KCNU1: variants seen among roughly 807,000 people sequenced by gnomAD.
KCNU1 encodes the protein potassium channel subfamily U member 1.
KCNU1 carries 93 observed loss-of-function variants against 126.8 expected under a neutral mutation model. That is an observed-to-expected ratio of 0.73 (90% CI 0.62 to 0.87). The LOEUF is 0.87. Among genes scored for constraint, KCNU1 ranks in the 40% least tolerant of loss-of-function variants. The pLI is 0.00. For synonymous variants in KCNU1, 523 were observed against 494.2 expected (o/e 1.06, Z -0.77); for missense variants, 1,330 against 1,367.1 (o/e 0.97, Z 0.43).
intron 19 of KCNU1, among the ~76,000 whole-genome samples, chr8:36,905,475 A>AG (rs1807586910): frequency 6.6e-6 from 1 of 151,296 alleles, no homozygotes; most frequent in South Asian, 2.1e-4. Context: ...AAAAAAAAAA[A>AG]TCCTGATGTG....
chr8:36,932,855 G>A (rs1271284640), intron 25 of KCNU1, 65 bp from the exon 26 acceptor site: 2 of 904,440 alleles, frequency 2.2e-6, no homozygotes, highest in Non-Finnish European at 3.6e-6. Context: ...CGACACTCCA[G>A]TGAGTGCTTA....
chr8:36,837,096 A>C (rs1480801642), intron 14 of KCNU1, among the ~76,000 whole-genome samples, 151 bp downstream of exon 14: 1 of 152,136 alleles, frequency 6.6e-6, no homozygotes, highest in African/African-American at 2.4e-5. Context: ...AGAAGATCTG[A>C]ATTTAAAAGT....
chr8:36,878,256 G>T, intron 19 of KCNU1, among the ~76,000 whole-genome samples: 1 of 152,144 alleles, frequency 6.6e-6, no homozygotes, highest in East Asian at 1.9e-4. Flanking sequence ...AGGAATTTCA[G>T]ATCAGAAAAA....
In KCNU1 at chr8:36,815,587, C is replaced by T. The variant is rs765303242; in HGVS notation, c.904-9C>T. Reference sequence around the variant, plus strand: ...AGAACTAAGGTTTTATTTTGCTGATCAATTTTAGATATTATTTGCGAACTA... The same window carrying T: ...AGAACTAAGGTTTTATTTTGCTGATTAATTTTAGATATTATTTGCGAACTA... On this transcript the variant is annotated splice_polypyrimidine_tract_variant and intron_variant, in intron 8 of 26. Transcript: ENST00000399881. 2.1e-6 allele frequency: 3 copies of T among 1,445,256 alleles called. No individual in the cohort carries two copies. The South Asian group carries it at 3.7e-5, about 18-fold the overall frequency. 89.5% of individuals were successfully genotyped at this position (1,445,256 alleles called of 1,614,324 possible).
At position 36,874,257 on chromosome 8, in the gene KCNU1, A is replaced by G. The variant is rs1806203175; in HGVS notation, c.2009+9736A>G. Among the ~76,000 whole-genome samples the G allele has an allele frequency of 2.0e-5, 3 of 152,178 alleles. No individual in the cohort carries two copies. The South Asian group carries it at 6.2e-4, about 31-fold the overall frequency. ...ACCATTCTTTTTTATTTATAAGCCC[A>G]TCTCGCTTTAAGCAATAGTCATGTT... On this transcript the variant is annotated intron_variant, in intron 19 of 26. Coordinates refer to ENST00000399881, the MANE Select transcript of KCNU1 (RefSeq NM_001031836.3).
rs540742601 is a variant in KCNU1, at chr8:36,803,321, T to A, written c.316-706T>A. Among the ~76,000 whole-genome samples, 8 of 152,332 alleles carry A rather than the reference T, an allele frequency of 5.3e-5. No individual in the cohort carries two copies. The South Asian group carries it at 1.7e-3, about 32-fold the overall frequency. ...GGACTGAACATGTTCAAAAGCTGGA[T>A]GGTTGGAAACTAGAAATAACTGGAG... On this transcript the variant is annotated intron_variant, in intron 2 of 26. Transcript: ENST00000399881.
At chr8:36,828,488 A>G (rs1299663208) in intron 10 of KCNU1, among the ~76,000 whole-genome samples, 2 of 152,042 alleles carry the variant, frequency 1.3e-5, no homozygotes, top group Non-Finnish European at 2.9e-5. Flanking sequence ...TACTTTAGAC[A>G]TGTTTAACTT....
In KCNU1 at chr8:36,807,416, C is replaced by G. The variant is rs748390283; in HGVS notation, c.622C>G (p.Gln208Glu). The G allele has an allele frequency of 6.2e-7, 1 of 1,613,414 alleles. No homozygotes were observed. Among genetic ancestry groups the G allele is most frequent in the Admixed American group, 1.7e-5 (1 of 59,988 alleles). Residue 208 changes from glutamine to glutamate, a missense_variant, in exon 6 of 27, where the codon CAA becomes GAA. By Grantham distance (29) the Gln-to-Glu change is conservative (BLOSUM62 2). Around this residue, in one of 3 missense-constraint regions of KCNU1, gnomAD observed 247 missense variants for 255.4 expected, o/e 0.97. Coordinates refer to ENST00000399881, the MANE Select transcript of KCNU1 (RefSeq NM_001031836.3). ...AGCCTTGCGCCTGCTAGAACTCCCT[C>G]AAATCTTGCAAATTCTACGAGCCAT... is the stretch of plus-strand genomic sequence containing the variant. ...LRALRLLELPQILQILRAIKT... is the reference protein window; with the variant it reads ...LRALRLLELPEILQILRAIKT...
At chr8:36,872,324 A>G (rs140217411) in intron 19 of KCNU1, among the ~76,000 whole-genome samples, 118 of 152,268 alleles carry the variant, frequency 7.7e-4, no homozygotes, top group African/African-American at 2.5e-3. Context: ...GCAACATCCA[A>G]TAAGAGTCTT....
At chr8:36,931,223 G>A in intron 25 of KCNU1, 78 bp downstream of exon 25, 1 of 938,700 alleles carries the variant, frequency 1.1e-6, no homozygotes, top group Non-Finnish European at 1.6e-6. Context: ...AGGCTATTTG[G>A]GTTCATAGAT....
intron 19 of KCNU1, among the ~76,000 whole-genome samples, chr8:36,870,255 G>A (rs916002497): frequency 6.6e-6 from 1 of 152,114 alleles, no homozygotes; most frequent in African/African-American, 2.4e-5. Context: ...GATGTAAGAG[G>A]TTCAATCCAA....
intron 16 of KCNU1, among the ~76,000 whole-genome samples, chr8:36,842,890 C>T (rs2130584885): frequency 6.6e-6 from 1 of 152,256 alleles, no homozygotes; most frequent in South Asian, 2.1e-4. Context: ...TCTCAAACTC[C>T]TGACCTCAGG....
chr8:36,910,903 G>A (rs1449378299), intron 21 of KCNU1, 27 bp from the exon 22 acceptor site: 9 of 1,511,436 alleles, frequency 6.0e-6, no homozygotes, highest in African/African-American at 1.4e-5. Flanking sequence ...TCCGACCAGT[G>A]CCTCCTCTCT....
chr8:36,850,371 G>T (rs1805297361), intron 18 of KCNU1, among the ~76,000 whole-genome samples: 1 of 151,376 alleles, frequency 6.6e-6, no homozygotes, highest in African/African-American at 2.4e-5. Flanking sequence ...ATCTAAGAAG[G>T]TTTTGATCAA....
At chr8:36,920,376 G>A (rs1256631035) in intron 23 of KCNU1, among the ~76,000 whole-genome samples, 1 of 152,116 alleles carries the variant, frequency 6.6e-6, no homozygotes, top group East Asian at 1.9e-4. Flanking sequence ...TACACCAAAC[G>A]AATTAATTCA....
chr8:36,806,089 C>T (rs113939861), intron 4 of KCNU1, among the ~76,000 whole-genome samples, 180 bp from the exon 5 acceptor site: 178 of 152,230 alleles, frequency 1.2e-3, no homozygotes, highest in African/African-American at 4.0e-3. Flanking sequence ...AGCTATCTGC[C>T]TGCCTTGGCC....
intron 19 of KCNU1, among the ~76,000 whole-genome samples, chr8:36,887,442 G>A (rs369759681): frequency 4.8e-5 from 6 of 124,988 alleles, no homozygotes; most frequent in Non-Finnish European, 6.5e-5. Context: ...TTGGCCATTT[G>A]TTTTTTTTTG....
chr8:36,785,703 T>C (rs765181683), intron 1 of KCNU1, among the ~76,000 whole-genome samples: 4 of 152,184 alleles, frequency 2.6e-5, no homozygotes, highest in Non-Finnish European at 4.4e-5. Context: ...ATCTGCCTCC[T>C]TGTTTCTACC....
At chr8:36,879,207 G>GTATATATA (rs1482123765) in intron 19 of KCNU1, among the ~76,000 whole-genome samples, 8 of 53,878 alleles carry the variant, frequency 1.5e-4, no homozygotes, top group South Asian at 5.6e-4. Context: ...GTGTGTGTGT[G>GTATATATA]TGTGTATATA....
Sources: gnomAD v4.1 joint callset for allele counts (sites outside exome capture counted in the v4.1 genomes callset) on GRCh38, gnomAD v4.1.1 for gene constraint, gnomAD v4.1.1 regional missense constraint, MANE v1.5 for transcripts, NCBI Gene and HGNC (gene_info 2026-07-23, HGNC 2026-07-21) for gene names.